Variants in ADGRE2 observed in about 807,000 individuals in gnomAD.
ADGRE2 encodes the protein CD97 antigen.
In ADGRE2, 83 loss-of-function variants were observed where a neutral mutation model predicts 100.8. The observed-to-expected ratio is 0.82, with a 90% CI of 0.69 to 0.99. The LOEUF is 0.99. Ranked by LOEUF, ADGRE2 falls within the 50% of genes least tolerant of loss-of-function variation. The pLI is 0.00. For synonymous variants in ADGRE2, 355 were observed against 413.0 expected, an observed-to-expected ratio of 0.86 and a Z score of 1.70; for missense variants, 814 against 1,035.7, an observed-to-expected ratio of 0.79 and a Z score of 2.94.
chr19:14,726,808 C>T, the ADGRE2 span, among the ~76,000 whole-genome samples: 2,016 of 152,252 alleles, frequency 0.013, 39 homozygotes, highest in African/African-American at 0.046. Context: ...CATATCTCTA[C>T]CAGTATTTTG....
chr19:14,725,280 G>A, the ADGRE2 span, among the ~76,000 whole-genome samples: 2 of 152,120 alleles, frequency 1.3e-5, no homozygotes, highest in Non-Finnish European at 2.9e-5. Flanking sequence ...CCCATGATCC[G>A]AATACGTCCC....
At chr19:14,739,969 C>T (rs958411269) in intron 20 of ADGRE2, among the ~76,000 whole-genome samples, 7 of 151,920 alleles carry the variant, frequency 4.6e-5, no homozygotes, top group Admixed American at 3.3e-4. Context: ...GGCGTGGTGG[C>T]GGGTGCCTGT....
intron 11 of ADGRE2, among the ~76,000 whole-genome samples, chr19:14,763,400 C>G: frequency 6.6e-6 from 1 of 151,952 alleles, no homozygotes; most frequent in South Asian, 2.1e-4. Context: ...AGAAATCATA[C>G]TTAGAGATCA....
At chr19:14,772,180 C>T in intron 5 of ADGRE2, 162 bp downstream of exon 5, 1 of 1,010,200 alleles carries the variant, frequency 9.9e-7, no homozygotes, top group Non-Finnish European at 1.5e-6. Context: ...CACCACGCTG[C>T]CTCTCTGGGC....
chr19:14,777,968 T>A (rs1415270299), intron 1 of ADGRE2, among the ~76,000 whole-genome samples: 3 of 152,214 alleles, frequency 2.0e-5, no homozygotes, highest in African/African-American at 7.2e-5. Context: ...TGTGCATATG[T>A]CTTTATAGTA....
downstream of ADGRE2, among the ~76,000 whole-genome samples, chr19:14,729,010 G>A (rs1321645589): frequency 2.6e-5 from 4 of 152,192 alleles, no homozygotes; most frequent in East Asian, 7.7e-4. Context: ...ACAATGGTGG[G>A]ACGTGCAGTT....
At chr19:14,746,854 C>T in intron 17 of ADGRE2, 42 bp downstream of exon 17, 8 of 1,574,876 alleles carry the variant, frequency 5.1e-6, no homozygotes, top group Non-Finnish European at 7.0e-6. Flanking sequence ...TTTCTAATGA[C>T]CCTCAGCGGG....
chr19:14,755,765 G>A lies in ADGRE2; in HGVS notation c.1305C>T (p.Gly435=). ...KQMLLHETHQ[G]LLQDGSPILL... ...GGATGGGGGAGCCGTCCTGCAGCAA[G>A]CCCTGGTGTGTCTCATGCAGAAGCA... Residue 435 remains glycine (G), a synonymous_variant, in exon 13 of 21, where the codon GGC becomes GGT. Coordinates refer to ENST00000315576, the MANE Select transcript of ADGRE2 (RefSeq NM_013447.4). 1 of 1,614,208 alleles carries A rather than the reference G, an allele frequency of 6.2e-7. No homozygotes were observed. Among genetic ancestry groups the A allele is most frequent in the Non-Finnish European group, 8.5e-7 (1 of 1,180,026 alleles).
intron 14 of ADGRE2, among the ~76,000 whole-genome samples, chr19:14,752,811 G>A (rs1599822640): frequency 6.7e-6 from 1 of 150,306 alleles, no homozygotes; most frequent in Non-Finnish European, 1.5e-5. Flanking sequence ...TTGCTCTGTC[G>A]CCCAGGCTGG....
chr19:14,738,714 A>G (rs2042833393), intron 20 of ADGRE2, among the ~76,000 whole-genome samples: 1 of 151,958 alleles, frequency 6.6e-6, no homozygotes, highest in African/African-American at 2.4e-5. Flanking sequence ...CATCTCCAAT[A>G]TGAGTTATTT....
chr19:14,775,860 G>A (rs866765181), intron 2 of ADGRE2, among the ~76,000 whole-genome samples: 91 of 107,868 alleles, frequency 8.4e-4, no homozygotes, highest in East Asian at 8.4e-4. Context: ...CTCCGCCTCA[G>A]AAAAAAAAAA....
At chr19:14,757,227 C>T (rs971632995) in intron 11 of ADGRE2, among the ~76,000 whole-genome samples, 10 of 152,196 alleles carry the variant, frequency 6.6e-5, no homozygotes, top group African/African-American at 2.4e-4. Flanking sequence ...AATAAAAGGC[C>T]CTCTCTAAAT....
chr19:14,742,111 CT>C, intron 20 of ADGRE2: 1 of 398,638 alleles, frequency 2.5e-6, no homozygotes, highest in Non-Finnish European at 4.4e-6. Context: ...AGCATTTAAA[CT>C]GAGATCATTG....
At chr19:14,748,071 G>A (rs1002920153) in intron 16 of ADGRE2, among the ~76,000 whole-genome samples, 6 of 151,952 alleles carry the variant, frequency 3.9e-5, no homozygotes, top group Admixed American at 6.6e-5. Flanking sequence ...AGATTATTTC[G>A]TCACCCTGGT....
At chr19:14,756,373 G>T (rs769767276) in intron 11 of ADGRE2, 28 bp from the exon 12 acceptor site, 1 of 1,543,026 alleles carries the variant, frequency 6.5e-7, no homozygotes, top group Non-Finnish European at 9.0e-7. Context: ...TACATAAGGG[G>T]GGTTAGGTTA....
chr19:14,753,324 G>T (rs565454914), intron 14 of ADGRE2, among the ~76,000 whole-genome samples: 1 of 151,950 alleles, frequency 6.6e-6, no homozygotes. Context: ...ACCCACTGCC[G>T]CTTACAGGCT....
chr19:14,726,212 G>A, the ADGRE2 span, among the ~76,000 whole-genome samples: 2 of 152,214 alleles, frequency 1.3e-5, no homozygotes, highest in Admixed American at 1.3e-4. Flanking sequence ...TTGAGTGGCT[G>A]GAACGTGGAG....
chr19:14,762,944 G>T (rs1179413412), intron 11 of ADGRE2, among the ~76,000 whole-genome samples: 2 of 152,122 alleles, frequency 1.3e-5, no homozygotes, highest in Non-Finnish European at 2.9e-5. Flanking sequence ...GGCATTACAG[G>T]CACGCCCCAC....
rs201706729 is a variant in ADGRE2 at position 14,746,242 on chromosome 19, G to A, written c.2173C>T (p.Arg725Trp). ...CCTTCTCCATCTTACCTTGTGTTCC[G>A]GAGGGTGGACACTTCACTATTGAGG... ...SSLNSEVSTL[R>W]NTRMLAFKAT... The change falls in exon 18 of 21, where the codon CGG becomes TGG. Residue 725 changes from arginine (R) to tryptophan (W), a missense_variant. This residue lies in a region of ADGRE2 where 569 missense variants were observed against 692.7 expected (regional missense o/e 0.82). Transcript: ENST00000315576. The A allele has an allele frequency of 5.3e-5, 84 of 1,595,212 alleles. No individual in the cohort carries two copies. The highest frequency in any genetic ancestry group is 1.1e-5 in the Non-Finnish European group (13 of 1,163,682).
Sources: gnomAD v4.1 joint callset for allele counts (sites outside exome capture counted in the v4.1 genomes callset) on GRCh38, gnomAD v4.1.1 for gene constraint, gnomAD v4.1.1 regional missense constraint, MANE v1.5 for transcripts, NCBI Gene and HGNC (gene_info 2026-07-23, HGNC 2026-07-21) for gene names.